The following SLC17A5 variants were observed in gnomAD, a reference collection of about 807,000 sequenced individuals.
SLC17A5 encodes the protein sialin.
Under a neutral mutation model 59.4 loss-of-function variants are expected in SLC17A5, and 47 were observed. The ratio of observed to expected loss-of-function variants is 0.79; its 90% CI spans 0.63 to 1.01. The LOEUF (loss-of-function observed/expected upper bound fraction) is 1.01. Ranked by LOEUF, SLC17A5 falls within the 50% of genes least tolerant of loss-of-function variation. The pLI is 0.00. For missense variants in SLC17A5, 522 were observed against 595.5 expected (o/e 0.88, Z 1.28); for synonymous variants, 202 against 210.7 (o/e 0.96, Z 0.36).
intron 10 of SLC17A5, among the ~76,000 whole-genome samples, chr6:73,599,880 T>C (rs1310467209): frequency 1.3e-5 from 2 of 151,984 alleles, no homozygotes; most frequent in Admixed American, 6.6e-5. Context: ...TACTGCAACC[T>C]CCGCCTCCTG....
At position 73,610,536 on chromosome 6, in the gene SLC17A5, G is replaced by T. The variant is rs1324697300; in HGVS notation, c.1123C>A (p.Pro375Thr). 1 of 1,614,028 alleles carries T rather than the reference G, an allele frequency of 6.2e-7. No homozygotes were observed. Residue 375 changes from proline to threonine, a missense_variant, in exon 9 of 11, where the codon CCT (proline) becomes ACT (threonine). Physicochemically the swap from Pro to Thr is conservative, Grantham distance 38. This residue lies in a region of SLC17A5 where 153 missense variants were observed against 168.5 expected (regional missense o/e 0.91). Coordinates refer to ENST00000355773, the MANE Select transcript of SLC17A5 (RefSeq NM_012434.5). The stretch of plus-strand genomic sequence containing the variant: ...CCAGCAGCTACCAGGAATACTGCAG[G>T]TCCAATCATTCCTGGAGTTAAAAAG... ...RIFSLIGMIG[P>T]AVFLVAAGFI...
intron 7 of SLC17A5, among the ~76,000 whole-genome samples, chr6:73,615,730 G>A (rs1767824202): frequency 6.6e-6 from 1 of 152,018 alleles, no homozygotes; most frequent in Non-Finnish European, 1.5e-5. Context: ...TGGGTTGTGA[G>A]AGAAGACAAA....
intron 9 of SLC17A5, among the ~76,000 whole-genome samples, chr6:73,607,081 C>T (rs529987761): frequency 1.1e-4 from 16 of 152,228 alleles, no homozygotes; most frequent in African/African-American, 3.6e-4. Context: ...GATCTGTGAC[C>T]CTGGTCACCA....
At chr6:73,630,821 C>T (rs1289634452) in intron 6 of SLC17A5, among the ~76,000 whole-genome samples, 9 of 151,968 alleles carry the variant, frequency 5.9e-5, no homozygotes, top group South Asian at 4.1e-4. Flanking sequence ...TGAAGGCGGG[C>T]GGATCACCTG....
At position 73,653,834 on chromosome 6, in the gene SLC17A5, T is replaced by C. The variant is rs1361241449; in HGVS notation, c.53A>G (p.Asp18Gly). 1 of 1,604,112 alleles carries C rather than the reference T, an allele frequency of 6.2e-7. No individual in the cohort carries two copies. The highest frequency in any genetic ancestry group is 8.5e-7 in the Non-Finnish European group (1 of 1,176,536). The change falls in exon 1 of 11, where the codon GAC becomes GGC. Residue 18 changes from aspartate to glycine, a missense_variant. By Grantham distance (94) the Asp-to-Gly change is moderately conservative. Around this residue, in one of 3 missense-constraint regions of SLC17A5, gnomAD observed 338 missense variants for 363.8 expected, o/e 0.93. Transcript: ENST00000355773. ...GGCGCCCGGTAGAAGAGGCGTGCGG[T>C]CCGTGCTCTCCTCGCCATCGTTCCG... ...LARNDGEEST[D>G]RTPLLPGAPR...
intron 10 of SLC17A5, among the ~76,000 whole-genome samples, chr6:73,598,062 T>C (rs1766897996): frequency 6.6e-6 from 1 of 152,182 alleles, no homozygotes; most frequent in Non-Finnish European, 1.5e-5. Flanking sequence ...AACAGCTTCT[T>C]AGGATTACTA....
At chr6:73,646,149 C>T (rs1769548786) in intron 1 of SLC17A5, among the ~76,000 whole-genome samples, 1 of 152,090 alleles carries the variant, frequency 6.6e-6, no homozygotes, top group Non-Finnish European at 1.5e-5. Flanking sequence ...TTGGTAATGA[C>T]ACATCAACAT....
chr6:73,653,962 C>T lies in SLC17A5; in HGVS notation c.-76G>A. ...GGCCCGACAGCCCGAAGCCCCCGGG[C>T]CGAGCTGGCTGGACCGGGCGGGGCG... On this transcript the variant is annotated 5_prime_UTR_variant, in exon 1 of 11. Transcript: ENST00000355773. 7.4e-7 allele frequency: 1 copy of T among 1,348,684 alleles called. No individual in the cohort carries two copies. Among genetic ancestry groups the T allele is most frequent in the Non-Finnish European group, 1.0e-6 (1 of 967,230 alleles). 83.5% of individuals were successfully genotyped at this position (1,348,684 alleles called of 1,614,324 possible).
chr6:73,602,616 T>C (rs1767197305), intron 9 of SLC17A5, among the ~76,000 whole-genome samples: 1 of 151,752 alleles, frequency 6.6e-6, no homozygotes, highest in Non-Finnish European at 1.5e-5. Flanking sequence ...CTACCAAAAA[T>C]ACAAAAAAAT....
intron 4 of SLC17A5, among the ~76,000 whole-genome samples, chr6:73,638,061 C>CT (rs528009961): frequency 6.7e-6 from 1 of 149,142 alleles, no homozygotes; most frequent in Non-Finnish European, 1.5e-5. Flanking sequence ...CTTTTTTTTT[C>CT]TTTTTTTTAA....
chr6:73,600,739 G>A (rs1055997671), intron 9 of SLC17A5, among the ~76,000 whole-genome samples: 1 of 152,018 alleles, frequency 6.6e-6, no homozygotes, highest in African/African-American at 2.4e-5. Context: ...GACCTCAAGT[G>A]ATCTGCCTGC....
intron 3 of SLC17A5, among the ~76,000 whole-genome samples, chr6:73,641,240 C>T (rs746895623): frequency 8.6e-5 from 13 of 152,044 alleles, no homozygotes; most frequent in African/African-American, 2.4e-5. Context: ...CCACCATGCC[C>T]GGCTAATTTT....
chr6:73,624,772 C>G (rs922783969), intron 6 of SLC17A5, among the ~76,000 whole-genome samples: 2 of 152,042 alleles, frequency 1.3e-5, no homozygotes, highest in African/African-American at 4.8e-5. Flanking sequence ...ACTTGGGAGG[C>G]TGAGGCAGGA....
At chr6:73,653,764 C>T in intron 1 of SLC17A5, 29 bp downstream of exon 1, 2 of 1,549,986 alleles carry the variant, frequency 1.3e-6, no homozygotes, top group Non-Finnish European at 1.7e-6. Flanking sequence ...GCTGCCCACT[C>T]GAAGCCCCTG....
intron 1 of SLC17A5, 66 bp downstream of exon 1, chr6:73,653,727 G>A: frequency 1.4e-6 from 2 of 1,448,610 alleles, no homozygotes; most frequent in South Asian, 2.4e-5. Flanking sequence ...GGGCCATGCC[G>A]GCCCAGAGAC....
intron 1 of SLC17A5, among the ~76,000 whole-genome samples, chr6:73,650,176 CTAAG>C (rs1367203309): frequency 4.4e-5 from 6 of 136,592 alleles, no homozygotes; most frequent in Admixed American, 8.2e-5. Context: ...GCCTGAGCAA[CTAAG>C]TGAGACCTTT....
At chr6:73,613,522 C>T (rs1356250350) in intron 8 of SLC17A5, among the ~76,000 whole-genome samples, 2 of 152,230 alleles carry the variant, frequency 1.3e-5, no homozygotes, top group South Asian at 2.1e-4. Context: ...CTTGCCACCA[C>T]GCCCAGCTAA....
chr6:73,614,024 G>A (rs1014901672), intron 8 of SLC17A5, among the ~76,000 whole-genome samples: 2 of 152,218 alleles, frequency 1.3e-5, no homozygotes, highest in Non-Finnish European at 2.9e-5. Context: ...CCAGCACTTT[G>A]GGAGGCCAAG....
chr6:73,623,013 G>A (rs373533581), intron 6 of SLC17A5, among the ~76,000 whole-genome samples: 2 of 152,234 alleles, frequency 1.3e-5, no homozygotes, highest in African/African-American at 4.8e-5. Context: ...TGCCCTCAGA[G>A]TATTATAGCA....
Sources: allele counts gnomAD v4.1 joint callset (sites outside exome capture counted in the v4.1 genomes callset), GRCh38; gene constraint gnomAD v4.1.1; regional missense constraint gnomAD v4.1.1; transcripts MANE v1.5; gene names NCBI Gene and HGNC (gene_info 2026-07-23, HGNC 2026-07-21).